The following SLC18A1 variants were observed in gnomAD, a reference collection of about 807,000 sequenced individuals.
The protein encoded by SLC18A1 is chromaffin granule amine transporter.
In SLC18A1, 69 loss-of-function variants were observed where a neutral mutation model predicts 53.7. That is an observed-to-expected ratio of 1.28 (90% CI 1.06 to 1.57). The LOEUF (loss-of-function observed/expected upper bound fraction) is 1.57, where lower values mean the gene tolerates loss of function less well. SLC18A1 is among the 40% of genes most tolerant of loss of function. The pLI, the probability that SLC18A1 is intolerant of heterozygous loss-of-function variation, is 0.00. For synonymous variants in SLC18A1, 320 were observed against 248.1 expected, an observed-to-expected ratio of 1.29 and a Z score of -2.72; for missense variants, 932 against 668.1, an observed-to-expected ratio of 1.40 and a Z score of -4.35.
intron 10 of SLC18A1, among the ~76,000 whole-genome samples, chr8:20,162,790 C>A (rs969003632): frequency 5.3e-5 from 8 of 152,200 alleles, no homozygotes; most frequent in Admixed American, 2.0e-4. Flanking sequence ...AAGATTCAGA[C>A]TTTCTCTATA....
At chr8:20,171,014 T>A (rs1394244750) in intron 8 of SLC18A1, 89 bp downstream of exon 8, 5 of 1,323,490 alleles carry the variant, frequency 3.8e-6, no homozygotes, top group South Asian at 1.2e-5. Context: ...CCTCTTCACT[T>A]TTCTTCTTAT....
At chr8:20,153,306 G>A (rs1199190079) in intron 10 of SLC18A1, among the ~76,000 whole-genome samples, 2 of 152,176 alleles carry the variant, frequency 1.3e-5, no homozygotes, top group African/African-American at 4.8e-5. Flanking sequence ...TTTGGCAAGT[G>A]ACAAGCCCAG....
At chr8:20,181,924 C>T (rs550431962) in intron 1 of SLC18A1, 1 of 152,246 alleles carries the variant, frequency 6.6e-6, no homozygotes, top group East Asian at 1.9e-4. Flanking sequence ...GTTTGAGCTA[C>T]AAACCCCTGA....
intron 6 of SLC18A1, among the ~76,000 whole-genome samples, chr8:20,172,293 A>G (rs1021221009): frequency 2.6e-5 from 4 of 152,216 alleles, no homozygotes; most frequent in African/African-American, 9.7e-5. Flanking sequence ...GGGTTGATGG[A>G]TACTAGCAAA....
At chr8:20,159,564 G>T (rs2071765657) in intron 10 of SLC18A1, among the ~76,000 whole-genome samples, 1 of 145,236 alleles carries the variant, frequency 6.9e-6, no homozygotes, top group South Asian at 2.2e-4. Flanking sequence ...AGCCAGCAGT[G>T]GCAATTCCCT....
chr8:20,149,410 C>G (rs2071487642), intron 12 of SLC18A1, among the ~76,000 whole-genome samples: 1 of 152,076 alleles, frequency 6.6e-6, no homozygotes, highest in African/African-American at 2.4e-5. Flanking sequence ...CTACAGCCCT[C>G]TTCCTCTCCT....
At chr8:20,157,398 C>T (rs2071709711) in intron 10 of SLC18A1, among the ~76,000 whole-genome samples, 1 of 152,128 alleles carries the variant, frequency 6.6e-6, no homozygotes, top group Admixed American at 6.5e-5. Context: ...CCCCACAGGC[C>T]AGTAGGCAGT....
chr8:20,179,086 G>A (rs1387022479), intron 3 of SLC18A1, 35 bp downstream of exon 3: 38 of 1,585,418 alleles, frequency 2.4e-5, no homozygotes, highest in Non-Finnish European at 3.2e-5. Context: ...TCCTACTCCT[G>A]TGTACCCTGC....
chr8:20,156,318 TAAA>T (rs35434077), intron 10 of SLC18A1, among the ~76,000 whole-genome samples: 1 of 144,126 alleles, frequency 6.9e-6, no homozygotes, highest in Non-Finnish European at 1.5e-5. Context: ...GCTAGTCTGT[TAAA>T]AAAAAAAAAA....
intron 10 of SLC18A1, among the ~76,000 whole-genome samples, chr8:20,155,697 C>T (rs1011374729): frequency 2.0e-5 from 3 of 152,128 alleles, no homozygotes; most frequent in African/African-American, 7.2e-5. Context: ...TCCTCCAATC[C>T]CTGCCTCCTA....
At chr8:20,169,474 T>C (rs2072055503) in intron 8 of SLC18A1, among the ~76,000 whole-genome samples, 1 of 152,140 alleles carries the variant, frequency 6.6e-6, no homozygotes, top group Non-Finnish European at 1.5e-5. Context: ...AAAATCCTGT[T>C]CTTAGGGAAA....
chr8:20,174,508 G>A, intron 4 of SLC18A1, 64 bp from the exon 5 acceptor site: 1 of 1,063,518 alleles, frequency 9.4e-7, no homozygotes, highest in South Asian at 1.3e-5. Flanking sequence ...CCAGCCGCCA[G>A]AGAACATGCC....
intron 10 of SLC18A1, among the ~76,000 whole-genome samples, chr8:20,159,909 C>T (rs563930771): frequency 6.6e-6 from 1 of 152,192 alleles, no homozygotes; most frequent in African/African-American, 2.4e-5. Flanking sequence ...TGCCACACCC[C>T]CAGCGTGGTA....
intron 2 of SLC18A1, among the ~76,000 whole-genome samples, chr8:20,180,276 C>T (rs1344582597): frequency 6.6e-6 from 1 of 151,900 alleles, no homozygotes; most frequent in Non-Finnish European, 1.5e-5. Context: ...CAGAAAGATC[C>T]TTTTTTAAAA....
chr8:20,159,634 CAAAAAAAAAAA>C (rs200123466), intron 10 of SLC18A1, among the ~76,000 whole-genome samples: 57 of 81,534 alleles, frequency 7.0e-4, no homozygotes, highest in African/African-American at 1.1e-3. Context: ...TTGCAGCTGC[CAAAAAAAAAAA>C]AAAAAAAAAA....
chr8:20,156,916 C>G (rs1049537926), intron 10 of SLC18A1, among the ~76,000 whole-genome samples: 1 of 152,140 alleles, frequency 6.6e-6, no homozygotes, highest in African/African-American at 2.4e-5. Context: ...GTTGCGCAGC[C>G]CAGCTCAAGA....
intron 10 of SLC18A1, among the ~76,000 whole-genome samples, chr8:20,158,733 A>G (rs1412221591): frequency 6.6e-6 from 1 of 152,118 alleles, no homozygotes; most frequent in Non-Finnish European, 1.5e-5. Flanking sequence ...CAGTGAGGCT[A>G]TTGTCCCTCT....
At position 20,180,886 on chromosome 8, in the gene SLC18A1, C is replaced by T. The variant is rs762423548; in HGVS notation, c.79G>A (p.Val27Ile). 7 of 1,613,942 alleles carry T rather than the reference C, an allele frequency of 4.3e-6. No individual in the cohort carries two copies. In the East Asian group the frequency reaches 6.7e-5, roughly 15 times the overall value. The change falls in exon 2 of 16, where the codon GTA (valine) becomes ATA (isoleucine). Residue 27 changes from valine (V) to isoleucine (I), a missense_variant. Physicochemically the swap from Val to Ile is conservative, Grantham distance 29. Transcript: ENST00000276373. ...TTGTCCAGGAGCAAAGCGACGAATA[C>T]CACCACCAGCACCAGCTGCCGGGAC... is the stretch of plus-strand genomic sequence containing the variant. ...RASRQLVLVV[V>I]FVALLLDNML... is the part of the protein sequence containing the mutation.
At chr8:20,147,745 A>G (rs760076269) in intron 13 of SLC18A1, 23 bp from the exon 14 acceptor site, 4 of 1,609,018 alleles carry the variant, frequency 2.5e-6, no homozygotes, top group Non-Finnish European at 2.5e-6. Context: ...CAAACAGGAC[A>G]CAGTCAGCCC....
Sources: gnomAD v4.1 joint callset for allele counts (sites outside exome capture counted in the v4.1 genomes callset) on GRCh38, gnomAD v4.1.1 for gene constraint, MANE v1.5 for transcripts, NCBI Gene and HGNC (gene_info 2026-07-23, HGNC 2026-07-21) for gene names.